Variants in IQGAP2 observed in about 807,000 individuals in gnomAD.
The protein encoded by IQGAP2 is IQ motif containing GTPase activating protein 2.
Under a neutral mutation model 201.3 loss-of-function variants are expected in IQGAP2, and 173 were observed. That is an observed-to-expected ratio of 0.86 (90% CI 0.76 to 0.98). IQGAP2 has a LOEUF of 0.98. Ranked by LOEUF, IQGAP2 falls within the 50% of genes least tolerant of loss-of-function variation. The pLI is 0.00. For synonymous variants in IQGAP2, 675 were observed against 673.9 expected, an observed-to-expected ratio of 1.00 and a Z score of -0.03; for missense variants, 1,687 against 1,864.8, an observed-to-expected ratio of 0.90 and a Z score of 1.76.
chr5:76,479,697 C>T (rs570396129), intron 2 of IQGAP2, among the ~76,000 whole-genome samples: 55 of 152,242 alleles, frequency 3.6e-4, no homozygotes, highest in African/African-American at 1.3e-3. Flanking sequence ...CAACCCCTGA[C>T]GATGTGTTCT....
At chr5:76,644,705 A>G (rs1435856602) in intron 17 of IQGAP2, among the ~76,000 whole-genome samples, 1 of 152,166 alleles carries the variant, frequency 6.6e-6, no homozygotes, top group Non-Finnish European at 1.5e-5. Flanking sequence ...TTACAATGTC[A>G]TGGCTATGCA....
At chr5:76,433,658 A>G (rs150789258) in intron 1 of IQGAP2, among the ~76,000 whole-genome samples, 2 of 152,286 alleles carry the variant, frequency 1.3e-5, no homozygotes, top group African/African-American at 4.8e-5. Flanking sequence ...TAGACTTTTT[A>G]TAATTAGACT....
At chr5:76,573,618 T>A (rs947722216) in intron 4 of IQGAP2, among the ~76,000 whole-genome samples, 7 of 152,142 alleles carry the variant, frequency 4.6e-5, no homozygotes, top group Non-Finnish European at 8.8e-5. Flanking sequence ...ATACTCTTTT[T>A]TGTTGTTTTT....
intron 30 of IQGAP2, among the ~76,000 whole-genome samples, chr5:76,685,126 C>T (rs1223264396): frequency 6.6e-6 from 1 of 152,156 alleles, no homozygotes; most frequent in Non-Finnish European, 1.5e-5. Flanking sequence ...CTAGGACTCA[C>T]CCTTGGCCTC....
Position 76,562,415 on chromosome 5 carries a change from G to A in IQGAP2, c.166G>A (p.Val56Ile). ...EAKRWMEVCLVEELPPTTELE... is the reference protein window; with the variant it reads ...EAKRWMEVCLIEELPPTTELE... ...CTTTAGGTGGATGGAAGTTTGCTTA[G>A]TTGAAGAATTGCCACCAACCACTGA... The change falls in exon 3 of 36, where the codon GTT becomes ATT. Residue 56 changes from valine to isoleucine, a missense_variant. Val to Ile is a conservative substitution (Grantham distance 29, BLOSUM62 3). Coordinates refer to ENST00000274364, the MANE Select transcript of IQGAP2 (RefSeq NM_006633.5). 1 of 1,613,170 alleles carries A rather than the reference G, an allele frequency of 6.2e-7. No individual in the cohort carries two copies.
At chr5:76,427,846 G>A (rs920030247) in intron 1 of IQGAP2, among the ~76,000 whole-genome samples, 1 of 152,238 alleles carries the variant, frequency 6.6e-6, no homozygotes, top group East Asian at 1.9e-4. Context: ...CTCTGAGCGG[G>A]GGCAGCATAA....
intron 2 of IQGAP2, among the ~76,000 whole-genome samples, chr5:76,476,349 G>A (rs1755426651): frequency 6.6e-6 from 1 of 152,160 alleles, no homozygotes; most frequent in African/African-American, 2.4e-5. Flanking sequence ...TGATGGACAG[G>A]ATGTGGCCTG....
chr5:76,672,509 C>T (rs1053858927), intron 24 of IQGAP2, among the ~76,000 whole-genome samples: 3 of 151,930 alleles, frequency 2.0e-5, no homozygotes, highest in Non-Finnish European at 4.4e-5. Context: ...CAGGAAAAGT[C>T]AAAATATTTA....
chr5:76,432,340 G>T (rs1032434033), intron 1 of IQGAP2, among the ~76,000 whole-genome samples: 1 of 152,076 alleles, frequency 6.6e-6, no homozygotes, highest in Non-Finnish European at 1.5e-5. Context: ...GGCCAGGCTG[G>T]TCTCGAACTC....
chr5:76,651,099 G>A (rs183565986), intron 17 of IQGAP2, among the ~76,000 whole-genome samples: 15 of 152,076 alleles, frequency 9.9e-5, no homozygotes, highest in Middle Eastern at 6.8e-3. Flanking sequence ...TTTGTCCACC[G>A]ATTGACATAT....
intron 1 of IQGAP2, among the ~76,000 whole-genome samples, chr5:76,460,121 GAGAC>G (rs1210592408): frequency 6.6e-6 from 1 of 152,140 alleles, no homozygotes; most frequent in Non-Finnish European, 1.5e-5. Context: ...CTAGTTTGGA[GAGAC>G]AGACAGACTG....
intron 2 of IQGAP2, among the ~76,000 whole-genome samples, chr5:76,533,103 C>T (rs968961816): frequency 1.3e-5 from 2 of 152,190 alleles, no homozygotes; most frequent in African/African-American, 4.8e-5. Flanking sequence ...TGCTCTTGAC[C>T]CTCCCTGTGG....
At chr5:76,599,833 A>G (rs1435134840) in intron 10 of IQGAP2, among the ~76,000 whole-genome samples, 1 of 152,140 alleles carries the variant, frequency 6.6e-6, no homozygotes, top group African/African-American at 2.4e-5. Context: ...CCTGCTCCTT[A>G]TGTCCCTTCA....
At chr5:76,545,109 ATTG>A (rs1743019690) in intron 2 of IQGAP2, among the ~76,000 whole-genome samples, 1 of 152,174 alleles carries the variant, frequency 6.6e-6, no homozygotes, top group African/African-American at 2.4e-5. Flanking sequence ...AAACTATACA[ATTG>A]TTACACTGTT....
chr5:76,521,796 A>C (rs534938113), intron 2 of IQGAP2, among the ~76,000 whole-genome samples: 2 of 152,056 alleles, frequency 1.3e-5, no homozygotes, highest in Non-Finnish European at 2.9e-5. Flanking sequence ...ATTGTGTACC[A>C]CTCCCAGAAT....
rs1418270908 is a variant in IQGAP2 at position 76,677,317 on chromosome 5, T to C, written c.3627T>C (p.Tyr1209=). ...DLVTVSKPVI[Y]ISIEEIISTH... ...TGACAGTCAGCAAACCAGTCATTTA[T>C]ATTTCAATTGAAGAAATCATCAGCA... Residue 1209 remains tyrosine, a synonymous_variant, in exon 28 of 36, where the codon TAT becomes TAC. Coordinates refer to ENST00000274364, the MANE Select transcript of IQGAP2 (RefSeq NM_006633.5). 1 of 1,614,014 alleles carries C rather than the reference T, an allele frequency of 6.2e-7. No individual in the cohort carries two copies. The highest frequency in any genetic ancestry group is 8.5e-7 in the Non-Finnish European group (1 of 1,179,960).
At chr5:76,487,303 T>C (rs960369538) in intron 2 of IQGAP2, among the ~76,000 whole-genome samples, 1 of 152,110 alleles carries the variant, frequency 6.6e-6, no homozygotes, top group African/African-American at 2.4e-5. Flanking sequence ...TTCACCATGT[T>C]GGCCAGGCTG....
intron 1 of IQGAP2, among the ~76,000 whole-genome samples, chr5:76,429,693 G>A (rs951190068): frequency 2.0e-5 from 3 of 148,460 alleles, no homozygotes; most frequent in Non-Finnish European, 4.5e-5. Flanking sequence ...CTTGATGAAG[G>A]GTGTTAAAGT....
intron 2 of IQGAP2, among the ~76,000 whole-genome samples, chr5:76,480,686 C>T (rs1389552491): frequency 6.6e-6 from 1 of 152,142 alleles, no homozygotes; most frequent in Non-Finnish European, 1.5e-5. Context: ...ACCATGTCTG[C>T]TACAGTTCCT....
Sources: gnomAD v4.1 joint callset for allele counts (sites outside exome capture counted in the v4.1 genomes callset) on GRCh38, gnomAD v4.1.1 for gene constraint, MANE v1.5 for transcripts, NCBI Gene and HGNC (gene_info 2026-07-23, HGNC 2026-07-21) for gene names.